LIMCH1: variants seen among roughly 807,000 people sequenced by gnomAD.
The protein encoded by LIMCH1 is LIM and calponin homology domains 1.
In LIMCH1, 113 loss-of-function variants were observed where a neutral mutation model predicts 176.5. The observed-to-expected ratio is 0.64, with a 90% CI of 0.55 to 0.75. LIMCH1 has a LOEUF of 0.75. LIMCH1 is among the 30% of genes least tolerant of loss of function. LIMCH1 has a pLI of 0.00. For synonymous variants in LIMCH1, 619 were observed against 645.9 expected (o/e 0.96, Z 0.63); for missense variants, 1,674 against 1,814.9 (o/e 0.92, Z 1.41).
chr4:41,444,313 T>TACACACACAC (rs71198657), intron 1 of LIMCH1, among the ~76,000 whole-genome samples: 1 of 134,180 alleles, frequency 7.5e-6, no homozygotes, highest in East Asian at 2.2e-4. Flanking sequence ...TGTATATATA[T>TACACACACAC]ACACACACAC....
At chr4:41,530,113 T>G (rs1462701481) in intron 3 of LIMCH1, among the ~76,000 whole-genome samples, 1 of 152,220 alleles carries the variant, frequency 6.6e-6, no homozygotes, top group African/African-American at 2.4e-5. Flanking sequence ...TCAGAACAGT[T>G]GCCATTTCAT....
chr4:41,525,384 C>G (rs938011824), intron 3 of LIMCH1, among the ~76,000 whole-genome samples: 1 of 152,172 alleles, frequency 6.6e-6, no homozygotes, highest in African/African-American at 2.4e-5. Context: ...CAGGATCCTA[C>G]GTAGACCTTA....
chr4:41,381,928 A>G (rs571330161), intron 1 of LIMCH1, among the ~76,000 whole-genome samples: 1 of 152,248 alleles, frequency 6.6e-6, no homozygotes, highest in African/African-American at 2.4e-5. Context: ...GCCTGTACTC[A>G]CCGGATCCCA....
intron 21 of LIMCH1, among the ~76,000 whole-genome samples, chr4:41,667,738 T>C (rs1284429973): frequency 6.6e-6 from 1 of 152,186 alleles, no homozygotes; most frequent in Admixed American, 6.6e-5. Flanking sequence ...CTGAGGGATG[T>C]GAACAGTGGA....
intron 1 of LIMCH1, among the ~76,000 whole-genome samples, chr4:41,452,671 G>A (rs1454016972): frequency 6.6e-6 from 1 of 152,226 alleles, no homozygotes; most frequent in Admixed American, 6.5e-5. Flanking sequence ...ACTCTCAGGA[G>A]TTCCTGAAAT....
chr4:41,419,687 CCT>C, intron 1 of LIMCH1, among the ~76,000 whole-genome samples: 1 of 77,172 alleles, frequency 1.3e-5, no homozygotes, highest in Non-Finnish European at 2.4e-5. Context: ...CTTCCTCCTT[CCT>C]TCCTTCCTTC....
At chr4:41,383,428 A>T (rs2056014072) in intron 1 of LIMCH1, among the ~76,000 whole-genome samples, 1 of 152,160 alleles carries the variant, frequency 6.6e-6, no homozygotes. Flanking sequence ...GAAGTGATGA[A>T]GGGGTTGGAT....
intron 31 of LIMCH1, among the ~76,000 whole-genome samples, chr4:41,696,463 C>T (rs1002178789): frequency 6.6e-6 from 1 of 152,176 alleles, no homozygotes; most frequent in Admixed American, 6.5e-5. Flanking sequence ...CCAAACAATC[C>T]TTTCTAGATA....
chr4:41,595,236 C>T (rs1054376888), intron 1 of LIMCH1, among the ~76,000 whole-genome samples: 5 of 151,840 alleles, frequency 3.3e-5, no homozygotes, highest in Non-Finnish European at 5.9e-5. Flanking sequence ...GTTTGTTTGC[C>T]GTTGGGAGGG....
At chr4:41,438,406 C>T (rs2062328006) in intron 1 of LIMCH1, among the ~76,000 whole-genome samples, 1 of 150,726 alleles carries the variant, frequency 6.6e-6, no homozygotes, top group African/African-American at 2.4e-5. Context: ...GAGTCTTGCT[C>T]TGTTGCCCAG....
At chr4:41,573,179 G>T (rs994021955) in intron 1 of LIMCH1, among the ~76,000 whole-genome samples, 6 of 152,124 alleles carry the variant, frequency 3.9e-5, no homozygotes, top group African/African-American at 7.2e-5. Flanking sequence ...GAAGGCAAGA[G>T]AAAAATAGTC....
At chr4:41,369,930 A>G (rs1313925211) in intron 1 of LIMCH1, among the ~76,000 whole-genome samples, 4 of 66,912 alleles carry the variant, frequency 6.0e-5, no homozygotes, top group Non-Finnish European at 1.1e-4. Context: ...CTGCCCTGAC[A>G]GGAAGCAAAG....
At chr4:41,535,564 A>G (rs1320937256), upstream of LIMCH1, among the ~76,000 whole-genome samples, 1 of 152,108 alleles carries the variant, frequency 6.6e-6, no homozygotes, top group Non-Finnish European at 1.5e-5. Context: ...GCCCCCTCAG[A>G]TGACCTCATA....
At chr4:41,490,225 G>C (rs1024415135) in intron 1 of LIMCH1, among the ~76,000 whole-genome samples, 1 of 151,728 alleles carries the variant, frequency 6.6e-6, no homozygotes, top group Non-Finnish European at 1.5e-5. Flanking sequence ...TGTGTTGTTG[G>C]AGAGTCAGCT....
intron 5 of LIMCH1, among the ~76,000 whole-genome samples, chr4:41,617,365 C>G (rs534967231): frequency 6.6e-6 from 1 of 152,182 alleles, no homozygotes; most frequent in Non-Finnish European, 1.5e-5. Context: ...ACCAGCCCTG[C>G]AGCAGGGGTT....
In LIMCH1 at chr4:41,440,884, A is replaced by G. The variant is rs2062636017; in HGVS notation, c.97-53652A>G. Among the ~76,000 whole-genome samples, 4 of 152,174 alleles carry G rather than the reference A, an allele frequency of 2.6e-5. No homozygotes were observed. The South Asian group carries it at 8.3e-4, about 31-fold the overall frequency. On this transcript the variant is annotated intron_variant, in intron 1 of 26. Transcript: ENST00000313860. ...AGACCTATTTCTATGGTGACTAAAT[A>G]TAACAGAAATTAATGATGTTCTCAA...
At chr4:41,531,085 A>G (rs1452124142) in intron 3 of LIMCH1, among the ~76,000 whole-genome samples, 1 of 152,086 alleles carries the variant, frequency 6.6e-6, no homozygotes, top group Non-Finnish European at 1.5e-5. Context: ...GCCCAACTCT[A>G]CATCTGTGCC....
intron 28 of LIMCH1, among the ~76,000 whole-genome samples, chr4:41,686,565 A>G (rs1720930607): frequency 2.0e-5 from 3 of 152,216 alleles, no homozygotes; most frequent in Admixed American, 2.0e-4. Context: ...TACTGTAACC[A>G]ATCATTCTAC....
chr4:41,534,070 G>A (rs1423306852), upstream of LIMCH1, among the ~76,000 whole-genome samples: 1 of 152,190 alleles, frequency 6.6e-6, no homozygotes, highest in Non-Finnish European at 1.5e-5. Flanking sequence ...GGAATCTCGT[G>A]TTCCAGATAA....
Sources: gnomAD v4.1 joint callset for allele counts (sites outside exome capture counted in the v4.1 genomes callset) on GRCh38, gnomAD v4.1.1 for gene constraint, MANE v1.5 for transcripts, NCBI Gene and HGNC (gene_info 2026-07-23, HGNC 2026-07-21) for gene names.